SEC31B: variants seen among roughly 807,000 people sequenced by gnomAD.
The protein encoded by SEC31B is protein transport protein Sec31B.
Under a neutral mutation model 135.0 loss-of-function variants are expected in SEC31B, and 113 were observed. The observed-to-expected ratio is 0.84, with a 90% CI of 0.72 to 0.98. SEC31B has a LOEUF of 0.98. SEC31B is among the 50% of genes least tolerant of loss of function. The pLI is 0.00. For missense variants in SEC31B, 1,296 were observed against 1,421.1 expected, an observed-to-expected ratio of 0.91 and a Z score of 1.42; for synonymous variants, 508 against 549.4, an observed-to-expected ratio of 0.92 and a Z score of 1.05.
rs756571010 is a variant in SEC31B, at chr10:100,502,412, G to A, written c.1252C>T (p.Leu418=). 5 of 1,614,112 alleles carry A rather than the reference G, an allele frequency of 3.1e-6. No homozygotes were observed. The highest frequency in any genetic ancestry group is 2.7e-5 in the African/African-American group (2 of 74,940). ...GTGGTGACTTGACTGATGAAGACTAGGCGGGGGCAAGGCTGTGGCACCAGA... is the reference window on the plus strand; with the variant it reads ...GTGGTGACTTGACTGATGAAGACTAAGCGGGGGCAAGGCTGTGGCACCAGA... ...AHLVPQPCPR[L]VFISQVTTES... Residue 418 remains leucine, a synonymous_variant, in exon 11 of 26, where the codon CTA becomes TTA. Transcript: ENST00000370345.
chr10:100,496,320 G>T lies in SEC31B; in HGVS notation c.2248C>A (p.Leu750Ile). 6.2e-7 allele frequency: 1 copy of T among 1,614,220 alleles called. No homozygotes were observed. The highest frequency in any genetic ancestry group is 8.5e-7 in the Non-Finnish European group (1 of 1,180,032). Residue 750 changes from leucine to isoleucine, a missense_variant, in exon 18 of 26, where the codon CTC becomes ATC. Physicochemically the swap from Leu to Ile is conservative, Grantham distance 5 (BLOSUM62 2). Coordinates refer to ENST00000370345, the MANE Select transcript of SEC31B (RefSeq NM_015490.4). ...GCCAGGCTGCCCTGGGCTGCCAGGA[G>T]GTTGGCATACTGAGTGACCCTGTAG... Reference protein sequence around the residue: ...TTYRVTQYANLLAAQGSLATA... With the variant: ...TTYRVTQYANILAAQGSLATA...
chr10:100,505,303 C>T, intron 10 of SEC31B, 58 bp downstream of exon 10: 3 of 1,120,210 alleles, frequency 2.7e-6, no homozygotes, highest in Non-Finnish European at 3.6e-6. Flanking sequence ...TTCACAAACA[C>T]ACACACACAC....
chr10:100,513,599 A>G (rs1033928733), intron 3 of SEC31B, among the ~76,000 whole-genome samples: 41 of 151,858 alleles, frequency 2.7e-4, no homozygotes, highest in African/African-American at 9.4e-4. Flanking sequence ...CCTCCCGAGT[A>G]GCTGGGATTA....
In SEC31B at chr10:100,486,846, C is replaced by T. The variant is rs1851192949; in HGVS notation, c.*770G>A. On this transcript the variant is annotated 3_prime_UTR_variant, in exon 26 of 26. Coordinates refer to ENST00000370345, the MANE Select transcript of SEC31B (RefSeq NM_015490.4). Reference sequence around the variant, plus strand: ...CAATTCCAGAACTGGGCTTTATCATCACAGAAGGAATGGCCTTGGGCTAAG... The same window carrying T: ...CAATTCCAGAACTGGGCTTTATCATTACAGAAGGAATGGCCTTGGGCTAAG... 1 of 152,226 alleles carries T rather than the reference C, an allele frequency of 6.6e-6. No homozygotes were observed. The highest frequency in any genetic ancestry group is 2.4e-5 in the African/African-American group (1 of 41,418). 9.4% of individuals were successfully genotyped at this position (152,226 alleles called of 1,614,324 possible).
intron 7 of SEC31B, 23 bp downstream of exon 7, chr10:100,507,402 A>C: frequency 6.2e-7 from 1 of 1,614,152 alleles, no homozygotes; most frequent in Non-Finnish European, 8.5e-7. Context: ...CCCCAAGGAT[A>C]TGGATGACGT....
Position 100,490,252 on chromosome 10 carries a change from T to C in SEC31B, c.2721A>G (p.Thr907=), listed in dbSNP as rs773688425. The C allele has an allele frequency of 1.1e-5, 18 of 1,613,774 alleles. No individual in the cohort carries two copies. In the Admixed American group the frequency reaches 1.5e-4, roughly 13 times the overall value. Residue 907 remains threonine (T), a synonymous_variant, in exon 21 of 26, where the codon ACA becomes ACG. Transcript: ENST00000370345. The stretch of plus-strand genomic sequence containing the variant: ...GTAGAGGGGAACCAGGAAGAGGCCA[T>C]GTCCCAGGGAATCCCACCGGGTTAG... The part of the protein sequence containing the change: ...QVPNPVGFPG[T]WPLPGSPLPM...
intron 10 of SEC31B, among the ~76,000 whole-genome samples, chr10:100,504,031 C>T (rs1486551049): frequency 6.6e-6 from 1 of 152,226 alleles, no homozygotes; most frequent in Non-Finnish European, 1.5e-5. Context: ...TTATATAGTA[C>T]TTGATAGTTT....
chr10:100,489,790 G>A (rs769997135), intron 21 of SEC31B, 29 bp from the exon 22 acceptor site: 9 of 1,613,124 alleles, frequency 5.6e-6, no homozygotes, highest in East Asian at 4.5e-5. Context: ...GAGGTTTTTC[G>A]GCGCATAGTG....
intron 19 of SEC31B, among the ~76,000 whole-genome samples, chr10:100,492,827 T>A (rs1851325777): frequency 6.6e-6 from 1 of 152,158 alleles, no homozygotes; most frequent in Non-Finnish European, 1.5e-5. Context: ...ATTAAATACT[T>A]AGTAGGCATG....
chr10:100,494,579 C>T (rs937393288), intron 19 of SEC31B, among the ~76,000 whole-genome samples: 3 of 152,168 alleles, frequency 2.0e-5, no homozygotes, highest in African/African-American at 7.2e-5. Context: ...CAAAAGGCTT[C>T]GGCTTACTCT....
intron 3 of SEC31B, among the ~76,000 whole-genome samples, 188 bp downstream of exon 3, chr10:100,515,908 C>A (rs1309715278): frequency 2.1e-5 from 3 of 145,728 alleles, no homozygotes; most frequent in East Asian, 4.0e-4. Context: ...TTGCTGCTGA[C>A]TGGAAAGGGG....
At chr10:100,514,556 T>TAA (rs1193831818) in intron 3 of SEC31B, among the ~76,000 whole-genome samples, 252 of 135,406 alleles carry the variant, frequency 1.9e-3, no homozygotes, top group African/African-American at 6.3e-3. Flanking sequence ...CAAAGAGATG[T>TAA]AAAAAAAAAA....
rs1337355595 is a variant in SEC31B at position 100,497,967 on chromosome 10, G to A, written c.1863+62C>T. 3.8e-6 allele frequency: 6 copies of A among 1,595,002 alleles called. No homozygotes were observed. In the African/African-American group the frequency reaches 6.7e-5, roughly 18 times the overall value. On this transcript the variant is annotated intron_variant, in intron 15 of 25. Coordinates refer to ENST00000370345, the MANE Select transcript of SEC31B (RefSeq NM_015490.4). ...CTCAAACATGGGTCCCAAGGTGTGG[G>A]TATCCACCTCACAAGGTCCAAGTAA...
intron 9 of SEC31B, 159 bp downstream of exon 9, chr10:100,505,881 C>T: frequency 2.0e-6 from 3 of 1,504,842 alleles, no homozygotes; most frequent in South Asian, 2.7e-5. Flanking sequence ...AACTAACATC[C>T]TTTCAGGAAG....
At chr10:100,517,599 T>G (rs1319110382) in intron 1 of SEC31B, among the ~76,000 whole-genome samples, 1 of 152,222 alleles carries the variant, frequency 6.6e-6, no homozygotes, top group Non-Finnish European at 1.5e-5. Flanking sequence ...TGACCTCAAG[T>G]GATCAGCTGC....
intron 14 of SEC31B, 31 bp from the exon 15 acceptor site, chr10:100,498,238 T>C (rs376318177): frequency 2.2e-5 from 36 of 1,611,958 alleles, no homozygotes; most frequent in African/African-American, 1.3e-4. Context: ...TGTGCATTAG[T>C]TGCTCTCAAA....
intron 3 of SEC31B, among the ~76,000 whole-genome samples, chr10:100,511,489 G>C (rs1589740459): frequency 6.6e-6 from 1 of 152,226 alleles, no homozygotes; most frequent in Non-Finnish European, 1.5e-5. Context: ...GGGTGGTCTA[G>C]CTGGGCACAG....
At chr10:100,516,648 C>CAAA (rs59172062) in intron 2 of SEC31B, among the ~76,000 whole-genome samples, 63 of 47,418 alleles carry the variant, frequency 1.3e-3, no homozygotes, top group African/African-American at 3.5e-3. Flanking sequence ...GACTCTGTCT[C>CAAA]AAAAAAAAAA....
At chr10:100,490,673 T>C (rs1851285010) in intron 20 of SEC31B, 33 bp downstream of exon 20, 1 of 1,524,364 alleles carries the variant, frequency 6.6e-7, no homozygotes, top group Non-Finnish European at 8.8e-7. Context: ...ACCTCTGTGC[T>C]CTGCCCAGAT....
Sources: gnomAD v4.1 joint callset for allele counts (sites outside exome capture counted in the v4.1 genomes callset) on GRCh38, gnomAD v4.1.1 for gene constraint, MANE v1.5 for transcripts, NCBI Gene and HGNC (gene_info 2026-07-23, HGNC 2026-07-21) for gene names.